ELMO1: variants seen among roughly 807,000 people sequenced by gnomAD.
The protein encoded by ELMO1 is engulfment and cell motility protein 1.
A neutral mutation model predicts 98.9 loss-of-function variants in ELMO1; 26 were observed. The ratio of observed to expected loss-of-function variants is 0.26; its 90% CI spans 0.19 to 0.36. The LOEUF (loss-of-function observed/expected upper bound fraction) is 0.36. Ranked by LOEUF, ELMO1 falls within the 10% of genes least tolerant of loss-of-function variation. ELMO1 has a pLI of 1.00. For synonymous variants in ELMO1, 346 were observed against 346.0 expected (o/e 1.00, Z 0.00); for missense variants, 627 against 935.2 (o/e 0.67, Z 4.30).
intron 1 of ELMO1, among the ~76,000 whole-genome samples, chr7:37,396,549 A>G (rs1022823459): frequency 7.2e-5 from 11 of 152,240 alleles, no homozygotes; most frequent in Non-Finnish European, 1.3e-4. Context: ...ATCTTTTCTA[A>G]TGGACAAGAA....
chr7:37,229,202 G>C (rs111633918), intron 8 of ELMO1, among the ~76,000 whole-genome samples: 34 of 152,198 alleles, frequency 2.2e-4, no homozygotes, highest in African/African-American at 8.2e-4. Context: ...GGTTTCAAGA[G>C]CATTTATATG....
chr7:37,349,153 T>C (rs1801144855), intron 1 of ELMO1, among the ~76,000 whole-genome samples: 1 of 152,158 alleles, frequency 6.6e-6, no homozygotes, highest in South Asian at 2.1e-4. Context: ...GGAGAAACGA[T>C]CTGCTTCCAC....
At chr7:37,360,634 T>C (rs994093681) in intron 1 of ELMO1, among the ~76,000 whole-genome samples, 2 of 152,126 alleles carry the variant, frequency 1.3e-5, no homozygotes, top group Non-Finnish European at 2.9e-5. Context: ...AGAGGTGAGA[T>C]TAAATTAGGC....
chr7:36,877,654 TAAG>T (rs1310996605), intron 19 of ELMO1, among the ~76,000 whole-genome samples: 14 of 152,090 alleles, frequency 9.2e-5, no homozygotes, highest in Admixed American at 9.2e-4. Flanking sequence ...GTTACGAAAA[TAAG>T]AAATTATTTT....
At chr7:37,418,105 G>A (rs1304035474) in intron 1 of ELMO1, among the ~76,000 whole-genome samples, 1 of 152,076 alleles carries the variant, frequency 6.6e-6, no homozygotes, top group African/African-American at 2.4e-5. Context: ...GGGAGCCCCA[G>A]GAAACAAACT....
chr7:37,103,531 AG>A (rs1784759288), intron 14 of ELMO1, among the ~76,000 whole-genome samples: 1 of 95,766 alleles, frequency 1.0e-5, no homozygotes, highest in African/African-American at 4.2e-5. Context: ...GGGTGGGGGG[AG>A]GGGGGAGGGA....
chr7:37,324,937 G>C (rs115160355), intron 2 of ELMO1, among the ~76,000 whole-genome samples: 1,712 of 152,258 alleles, frequency 0.011, 25 homozygotes, highest in African/African-American at 0.039. Context: ...TGGAACCTGG[G>C]CTTCTTACTT....
At chr7:36,987,633 T>G (rs1029504474) in intron 16 of ELMO1, among the ~76,000 whole-genome samples, 2 of 152,156 alleles carry the variant, frequency 1.3e-5, no homozygotes, top group African/African-American at 4.8e-5. Flanking sequence ...TGTTTCTGAT[T>G]CTTGAAGCCA....
intron 16 of ELMO1, among the ~76,000 whole-genome samples, chr7:36,967,222 G>GT (rs1209859851): frequency 1.3e-5 from 2 of 151,692 alleles, no homozygotes; most frequent in East Asian, 1.9e-4. Flanking sequence ...AAGCTTGAAT[G>GT]TTTTTTTTCA....
At chr7:36,945,566 T>C (rs1364962002) in intron 16 of ELMO1, among the ~76,000 whole-genome samples, 1 of 152,330 alleles carries the variant, frequency 6.6e-6, no homozygotes, top group Non-Finnish European at 1.5e-5. Context: ...AGTTGCATAG[T>C]TGAAAAATAA....
chr7:37,238,765 T>G (rs1216636958), intron 7 of ELMO1, among the ~76,000 whole-genome samples: 2 of 152,206 alleles, frequency 1.3e-5, no homozygotes, highest in East Asian at 1.9e-4. Context: ...TACATTAGAT[T>G]TTATGAAATG....
chr7:36,963,006 T>C (rs990427955), intron 16 of ELMO1, among the ~76,000 whole-genome samples: 1 of 152,222 alleles, frequency 6.6e-6, no homozygotes, highest in Non-Finnish European at 1.5e-5. Context: ...AGCGTACAAC[T>C]GAGAACAACC....
intron 16 of ELMO1, among the ~76,000 whole-genome samples, chr7:36,949,861 C>A (rs539516478): frequency 6.6e-5 from 10 of 152,314 alleles, no homozygotes; most frequent in Admixed American, 5.9e-4. Flanking sequence ...TCCCTCCTCC[C>A]ATTTGAGAAC....
chr7:37,446,492 T>C (rs1016203513), intron 1 of ELMO1, among the ~76,000 whole-genome samples: 1 of 152,078 alleles, frequency 6.6e-6, no homozygotes, highest in Non-Finnish European at 1.5e-5. Context: ...GCAGGGGAAG[T>C]GAGTCATCTG....
rs1800787739 is a variant in ELMO1 at position 37,342,758 on chromosome 7, C to A, written c.-68G>T. 1 of 1,351,614 alleles carries A rather than the reference C, an allele frequency of 7.4e-7. No homozygotes were observed. Among genetic ancestry groups the A allele is most frequent in the African/African-American group, 1.5e-5 (1 of 67,884 alleles). The allele number at this position is 1,351,614 out of a possible 1,614,324, so 83.7% of individuals were successfully genotyped here. ...CTACAGCGTAAACGGCCACACGTGT[C>A]TATACCTAATGAGGAATGACAGAAA... is the stretch of plus-strand genomic sequence containing the variant. On this transcript the variant is annotated 5_prime_UTR_variant, in exon 2 of 22. It removes the in-frame stop codon of an upstream open reading frame in the 5' UTR. Transcript: ENST00000310758. The surrounding 1 kb of genome is among the most constrained non-coding windows in gnomAD (Gnocchi z 4.3).
chr7:37,444,946 T>C (rs925676905), intron 1 of ELMO1, among the ~76,000 whole-genome samples: 1 of 152,252 alleles, frequency 6.6e-6, no homozygotes, highest in African/African-American at 2.4e-5. Flanking sequence ...GTATTTCTTG[T>C]AGCCCTCTAG....
chr7:37,372,248 T>C (rs753103298), intron 1 of ELMO1, among the ~76,000 whole-genome samples: 1 of 152,120 alleles, frequency 6.6e-6, no homozygotes, highest in Non-Finnish European at 1.5e-5. Context: ...CTGAGGCATT[T>C]AAAATATGAA....
intron 6 of ELMO1, among the ~76,000 whole-genome samples, chr7:37,248,023 A>AT (rs980970830): frequency 6.6e-6 from 1 of 151,618 alleles, no homozygotes; most frequent in Admixed American, 6.6e-5. Flanking sequence ...CTCCTCCAGC[A>AT]TCCCTGACCT....
chr7:37,042,320 A>G (rs1212477312), intron 15 of ELMO1, among the ~76,000 whole-genome samples: 1 of 152,084 alleles, frequency 6.6e-6, no homozygotes, highest in Non-Finnish European at 1.5e-5. Context: ...ATTCAGAGCC[A>G]TGGTTTTTTT....
Sources: allele counts gnomAD v4.1 joint callset (sites outside exome capture counted in the v4.1 genomes callset), GRCh38; gene constraint gnomAD v4.1.1; non-coding constraint Gnocchi (gnomAD v3.1); transcripts MANE v1.5; gene names NCBI Gene and HGNC (gene_info 2026-07-23, HGNC 2026-07-21).